The following TRIQK variants were observed in gnomAD, a reference collection of about 807,000 sequenced individuals.
The protein encoded by TRIQK is triple QxxK/R motif containing.
A neutral mutation model predicts 10.8 loss-of-function variants in TRIQK; 10 were observed. That is an observed-to-expected ratio of 0.92 (90% CI 0.57 to 1.57). TRIQK has a LOEUF of 1.57. Ranked by LOEUF, TRIQK falls within the 40% of genes most tolerant of loss-of-function variation. TRIQK has a pLI of 0.00. For synonymous variants in TRIQK, 33 were observed against 33.7 expected (o/e 0.98, Z 0.07); for missense variants, 107 against 97.7 (o/e 1.09, Z -0.40).
chr8:92,926,361 T>G (rs1380062501), intron 2 of TRIQK: 3 of 151,990 alleles, frequency 2.0e-5, no homozygotes, highest in Non-Finnish European at 4.4e-5. Context: ...GGCTAAAGAA[T>G]AAGTGAGAGG....
At chr8:93,005,016 T>C (rs537347244) in intron 1 of TRIQK, among the ~76,000 whole-genome samples, 1 of 152,336 alleles carries the variant, frequency 6.6e-6, no homozygotes, top group South Asian at 2.1e-4. Context: ...TCTCTGACCA[T>C]TACCCAGTTC....
chr8:92,959,549 T>C (rs1026889708), intron 1 of TRIQK, among the ~76,000 whole-genome samples: 3 of 150,880 alleles, frequency 2.0e-5, no homozygotes, highest in Admixed American at 1.3e-4. Flanking sequence ...TGATATTGCA[T>C]TATCTCATAA....
At chr8:93,016,936 A>G (rs1813389462) in intron 1 of TRIQK, among the ~76,000 whole-genome samples, 1 of 152,224 alleles carries the variant, frequency 6.6e-6, no homozygotes, top group South Asian at 2.1e-4. Flanking sequence ...ACAATTTTAA[A>G]CAAACTAGCT....
At chr8:92,992,548 C>T (rs557956394) in intron 1 of TRIQK, among the ~76,000 whole-genome samples, 3 of 152,148 alleles carry the variant, frequency 2.0e-5, no homozygotes, top group Non-Finnish European at 4.4e-5. Context: ...CTGTCTCAGG[C>T]CCAAGACTTC....
At chr8:92,950,883 T>C (rs1403250939) in intron 2 of TRIQK, among the ~76,000 whole-genome samples, 1 of 152,132 alleles carries the variant, frequency 6.6e-6, no homozygotes, top group Non-Finnish European at 1.5e-5. Flanking sequence ...TATAACATTA[T>C]ACAGGTCTCC....
upstream of TRIQK, among the ~76,000 whole-genome samples, chr8:92,970,521 A>T (rs1401432632): frequency 6.6e-6 from 1 of 152,112 alleles, no homozygotes; most frequent in Non-Finnish European, 1.5e-5. Flanking sequence ...GTATCTCATT[A>T]TAGGTTTTGT....
chr8:92,905,766 A>G (rs923682623), intron 3 of TRIQK, among the ~76,000 whole-genome samples: 3 of 152,146 alleles, frequency 2.0e-5, no homozygotes, highest in African/African-American at 7.2e-5. Context: ...GAGACATAGA[A>G]GCAACCCTTC....
chr8:92,915,639 C>T (rs906912436), intron 3 of TRIQK, among the ~76,000 whole-genome samples: 2 of 146,762 alleles, frequency 1.4e-5, no homozygotes, highest in African/African-American at 5.1e-5. Flanking sequence ...CTACAGGCGC[C>T]CATCACGACG....
At chr8:92,948,959 A>G (rs559237834) in intron 2 of TRIQK, among the ~76,000 whole-genome samples, 1 of 152,328 alleles carries the variant, frequency 6.6e-6, no homozygotes, top group African/African-American at 2.4e-5. Context: ...TTTTGTGCCA[A>G]TCACTGAGTT....
At chr8:92,893,559 T>C (rs1816865527) in intron 3 of TRIQK, among the ~76,000 whole-genome samples, 1 of 152,020 alleles carries the variant, frequency 6.6e-6, no homozygotes, top group African/African-American at 2.4e-5. Context: ...AGAAAAATGT[T>C]ACTCTGACCC....
chr8:92,906,286 G>T (rs1809253686), intron 3 of TRIQK, among the ~76,000 whole-genome samples: 1 of 152,136 alleles, frequency 6.6e-6, no homozygotes, highest in South Asian at 2.1e-4. Flanking sequence ...GTCAATCATA[G>T]TGTTGGCTGA....
At chr8:92,955,008 G>T (rs1304807510) in intron 1 of TRIQK, among the ~76,000 whole-genome samples, 1 of 151,838 alleles carries the variant, frequency 6.6e-6, no homozygotes, top group East Asian at 1.9e-4. Flanking sequence ...TTAAGTATAT[G>T]TTACTTTCTA....
chr8:92,911,408 G>T (rs1157910151), intron 3 of TRIQK, among the ~76,000 whole-genome samples: 3 of 151,078 alleles, frequency 2.0e-5, no homozygotes, highest in Admixed American at 1.3e-4. Flanking sequence ...AACAAAAAAT[G>T]ACAATAAAAA....
chr8:92,965,607 GC>G (rs1812698895), intron 1 of TRIQK: 1 of 152,346 alleles, frequency 6.6e-6, no homozygotes, highest in South Asian at 2.1e-4. Context: ...CCAATCCCGA[GC>G]CGCGTGGAAG....
intron 1 of TRIQK, among the ~76,000 whole-genome samples, chr8:93,016,224 C>T (rs976695242): frequency 1.2e-4 from 18 of 152,128 alleles, no homozygotes; most frequent in Non-Finnish European, 2.1e-4. Context: ...GAACAAAGTA[C>T]ATTTTACAAA....
At chr8:92,943,583 C>T (rs1482833436) in intron 2 of TRIQK, among the ~76,000 whole-genome samples, 3 of 152,232 alleles carry the variant, frequency 2.0e-5, no homozygotes, top group Non-Finnish European at 4.4e-5. Context: ...AAAGAACAGT[C>T]TCTTCAATAA....
chr8:92,954,598 A>G (rs1179077290), intron 1 of TRIQK, 34 bp from the exon 2 acceptor site: 1 of 151,928 alleles, frequency 6.6e-6, no homozygotes, highest in Non-Finnish European at 1.5e-5. Context: ...AGAAATAGTA[A>G]ATGGATGATC....
chr8:92,891,969 G>A lies in TRIQK; in HGVS notation c.147+20C>T. 6.6e-7 allele frequency: 1 copy of A among 1,507,612 alleles called. No homozygotes were observed. The highest frequency in any genetic ancestry group is 2.5e-5 in the East Asian group (1 of 40,466). The allele number at this position is 1,507,612 out of a possible 1,614,324, so 93.4% of individuals were successfully genotyped here. ...TGGCATGCACATATCAAATTTTAAAGTTATCAAATAGAGGTTTACCTTTAT... is the reference window on the plus strand; with the variant it reads ...TGGCATGCACATATCAAATTTTAAAATTATCAAATAGAGGTTTACCTTTAT... On this transcript the variant is annotated intron_variant, in intron 4 of 4. Transcript: ENST00000521988.
intron 3 of TRIQK, among the ~76,000 whole-genome samples, chr8:92,892,507 A>AT (rs1401646094): frequency 6.6e-6 from 1 of 151,970 alleles, no homozygotes; most frequent in Non-Finnish European, 1.5e-5. Flanking sequence ...CATTCAAAAC[A>AT]TAAGTGAGAA....
Sources: allele counts gnomAD v4.1 joint callset (sites outside exome capture counted in the v4.1 genomes callset), GRCh38; gene constraint gnomAD v4.1.1; transcripts MANE v1.5; gene names NCBI Gene and HGNC (gene_info 2026-07-23, HGNC 2026-07-21).